The following FAF1 variants were observed in gnomAD, a reference collection of about 807,000 sequenced individuals.
FAF1 encodes Fas associated factor 1.
Under a neutral mutation model 92.5 loss-of-function variants are expected in FAF1, and 25 were observed. The observed-to-expected ratio is 0.27, with a 90% CI of 0.20 to 0.38. The LOEUF (loss-of-function observed/expected upper bound fraction) is 0.38, where lower values mean the gene tolerates loss of function less well. Ranked by LOEUF, FAF1 falls within the 10% of genes least tolerant of loss-of-function variation. The pLI, the probability that FAF1 is intolerant of heterozygous loss-of-function variation, is 1.00. For missense variants in FAF1, 636 were observed against 793.3 expected (o/e 0.80, Z 2.38); for synonymous variants, 234 against 273.2 (o/e 0.86, Z 1.42).
intron 13 of FAF1, among the ~76,000 whole-genome samples, chr1:50,558,989 G>T (rs1649731039): frequency 6.6e-6 from 1 of 152,154 alleles, no homozygotes; most frequent in Non-Finnish European, 1.5e-5. Context: ...GGAGGCTCAT[G>T]CCTGTAATCC....
intron 7 of FAF1, among the ~76,000 whole-genome samples, chr1:50,662,848 C>G (rs184161507): frequency 6.7e-6 from 1 of 148,418 alleles, no homozygotes; most frequent in Non-Finnish European, 1.5e-5. Flanking sequence ...CTGCAGGCAC[C>G]CACTAGCGCG....
chr1:50,621,688 C>A (rs886591443), intron 8 of FAF1, among the ~76,000 whole-genome samples: 2 of 151,890 alleles, frequency 1.3e-5, no homozygotes. Flanking sequence ...GAGTGAGGCA[C>A]TGCACCTGGC....
At chr1:50,702,483 T>A (rs1657514665) in intron 7 of FAF1, among the ~76,000 whole-genome samples, 1 of 152,124 alleles carries the variant, frequency 6.6e-6, no homozygotes, top group Non-Finnish European at 1.5e-5. Flanking sequence ...CTTTGATATT[T>A]TTTACAAGCT....
chr1:50,753,323 T>C (rs929802790), intron 4 of FAF1, among the ~76,000 whole-genome samples: 1 of 152,254 alleles, frequency 6.6e-6, no homozygotes, highest in African/African-American at 2.4e-5. Flanking sequence ...TTCCATATCA[T>C]TGCAGGTAAC....
chr1:50,623,947 C>G (rs1353261033), intron 8 of FAF1, among the ~76,000 whole-genome samples: 3 of 141,638 alleles, frequency 2.1e-5, no homozygotes, highest in Admixed American at 1.4e-4. Flanking sequence ...CAAAAAAAAA[C>G]AAAGAAAGAA....
intron 8 of FAF1, among the ~76,000 whole-genome samples, chr1:50,613,790 T>TA (rs149029885): frequency 0.24 from 36,689 of 151,702 alleles, 4,790 homozygotes; most frequent in Middle Eastern, 0.44. Context: ...TCTTTTATAT[T>TA]AAAAAAACAA....
intron 2 of FAF1, among the ~76,000 whole-genome samples, chr1:50,812,768 G>A (rs936565518): frequency 2.0e-5 from 3 of 152,074 alleles, no homozygotes; most frequent in Non-Finnish European, 4.4e-5. Context: ...AGATACATGC[G>A]TGTATCTGTT....
chr1:50,634,520 T>A (rs1010336447), intron 8 of FAF1, among the ~76,000 whole-genome samples: 3 of 152,204 alleles, frequency 2.0e-5, no homozygotes, highest in Non-Finnish European at 4.4e-5. Flanking sequence ...AGTGCACATA[T>A]GTATTATAAA....
chr1:50,739,382 A>ATGTG (rs1557502895), intron 5 of FAF1, among the ~76,000 whole-genome samples: 1,964 of 148,084 alleles, frequency 0.013, 42 homozygotes, highest in African/African-American at 0.049. Flanking sequence ...ATACATATAC[A>ATGTG]TATATGTGTG....
chr1:50,451,920 A>G (rs1646298024), intron 18 of FAF1: 1 of 1,091,014 alleles, frequency 9.2e-7, no homozygotes, highest in Non-Finnish European at 1.1e-6. Flanking sequence ...AACTTGGCAC[A>G]CTGTCGGGGA....
intron 8 of FAF1, among the ~76,000 whole-genome samples, chr1:50,603,953 G>A (rs942658004): frequency 6.6e-6 from 1 of 152,146 alleles, no homozygotes; most frequent in African/African-American, 2.4e-5. Context: ...GCCTTGCTGC[G>A]TTATAGTCCT....
chr1:50,877,888 AT>A (rs1022971480), intron 1 of FAF1, among the ~76,000 whole-genome samples: 1 of 152,150 alleles, frequency 6.6e-6, no homozygotes, highest in Non-Finnish European at 1.5e-5. Flanking sequence ...TGCAAGAATT[AT>A]TTTCCACAAG....
Position 50,484,006 on chromosome 1 carries a change from T to C in FAF1, c.1653+6582A>G, listed in dbSNP as rs536753010. Among the ~76,000 whole-genome samples the C allele has an allele frequency of 6.6e-5, 10 of 152,236 alleles. No individual in the cohort carries two copies. In the East Asian group the frequency reaches 1.5e-3, roughly 24 times the overall value. ...GGGCCAGCAGTTAGATATTCAAGTC[T>C]GGAGTTCAGGGAAAGGGAGGAGCTG... is the stretch of plus-strand genomic sequence containing the variant. On this transcript the variant is annotated intron_variant, in intron 17 of 18. Coordinates refer to ENST00000396153, the MANE Select transcript of FAF1 (RefSeq NM_007051.3).
At chr1:50,809,371 C>T (rs1662333245) in intron 2 of FAF1, among the ~76,000 whole-genome samples, 2 of 151,624 alleles carry the variant, frequency 1.3e-5, no homozygotes, top group Admixed American at 1.3e-4. Context: ...ACTAGCTAGA[C>T]TAATGAAGAA....
At chr1:50,868,230 C>T (rs1644498173) in intron 1 of FAF1, among the ~76,000 whole-genome samples, 1 of 152,116 alleles carries the variant, frequency 6.6e-6, no homozygotes, top group Non-Finnish European at 1.5e-5. Context: ...GTACAGTACA[C>T]AGTGCTTGGG....
At chr1:50,451,375 G>A (rs189954803) in intron 18 of FAF1, among the ~76,000 whole-genome samples, 1 of 152,240 alleles carries the variant, frequency 6.6e-6, no homozygotes, top group African/African-American at 2.4e-5. Flanking sequence ...TGCTGTATAA[G>A]CACTCATACA....
chr1:50,942,674 TACAGG>T (rs1645142856), intron 1 of FAF1, among the ~76,000 whole-genome samples: 1 of 151,960 alleles, frequency 6.6e-6, no homozygotes, highest in Non-Finnish European at 1.5e-5. Context: ...TGGAGGAAGA[TACAGG>T]ACTCCTAAGA....
chr1:50,531,708 A>G (rs1476212369), intron 15 of FAF1, among the ~76,000 whole-genome samples: 2 of 152,182 alleles, frequency 1.3e-5, no homozygotes, highest in Non-Finnish European at 2.9e-5. Flanking sequence ...GTTCTGTCAA[A>G]AACAGAGATC....
intron 13 of FAF1, among the ~76,000 whole-genome samples, chr1:50,558,023 C>G (rs1049878065): frequency 6.6e-6 from 1 of 151,948 alleles, no homozygotes; most frequent in Non-Finnish European, 1.5e-5. Context: ...AGCAGCCTCC[C>G]AAGTAGCTGG....
Sources: allele counts gnomAD v4.1 joint callset (sites outside exome capture counted in the v4.1 genomes callset), GRCh38; gene constraint gnomAD v4.1.1; transcripts MANE v1.5; gene names NCBI Gene and HGNC (gene_info 2026-07-23, HGNC 2026-07-21).